Variants in CYP11B1 observed in about 807,000 individuals in gnomAD.
CYP11B1 encodes the protein cytochrome P450 11B1, mitochondrial.
Under a neutral mutation model 48.3 loss-of-function variants are expected in CYP11B1, and 34 were observed. The observed-to-expected ratio is 0.70, with a 90% confidence interval of 0.54 to 0.94. The LOEUF (loss-of-function observed/expected upper bound fraction) is 0.94. CYP11B1 is among the 40% of genes least tolerant of loss of function. CYP11B1 has a pLI of 0.00. For missense variants in CYP11B1, 688 were observed against 657.4 expected (o/e 1.05, Z -0.51); for synonymous variants, 291 against 262.5 (o/e 1.11, Z -1.05).
intron 6 of CYP11B1, 40 bp downstream of exon 6, chr8:142,875,672 A>G (rs1816915608): frequency 6.2e-7 from 1 of 1,609,990 alleles, no homozygotes; most frequent in Non-Finnish European, 8.5e-7. Context: ...GCTCTCCAGC[A>G]GGGGGCCAGG....
intron 4 of CYP11B1, 112 bp downstream of exon 4, chr8:142,876,570 G>C: frequency 6.4e-7 from 1 of 1,551,352 alleles, no homozygotes; most frequent in South Asian, 1.2e-5. Context: ...GGAAGGTGAG[G>C]AATCCCCGAC....
At chr8:142,874,761 C>T (rs1816878002) in intron 8 of CYP11B1, among the ~76,000 whole-genome samples, 196 bp downstream of exon 8, 1 of 152,298 alleles carries the variant, frequency 6.6e-6, no homozygotes, top group Middle Eastern at 3.4e-3. Context: ...CCAGATGGTA[C>T]GCTCCTCACC....
In CYP11B1 at chr8:142,875,695, C is replaced by A. The variant is rs753588773; in HGVS notation, c.1121+17G>T. On this transcript the variant is annotated intron_variant, in intron 6 of 8. Transcript: ENST00000292427. ...GCAGGGGGCCAGGGCCACAGGGAGG[C>A]CTCAGCCAGCACCCACCGCAAGGTC... 4.3e-6 allele frequency: 7 copies of A among 1,613,120 alleles called. No homozygotes were observed. In the South Asian group the frequency reaches 6.6e-5, roughly 15 times the overall value.
In CYP11B1 at chr8:142,876,815, G is replaced by A. The variant is rs138185120; in HGVS notation, c.666C>T (p.Asn222=). 6.2e-7 allele frequency: 1 copy of A among 1,614,216 alleles called. No homozygotes were observed. ...ACATGACCTCCAGGGCATGGAGGAA[G>A]TTCAGGCTGGCAGAACTGGGGCTGT... ...VGHSPSSASL[N]FLHALEVMFK... Residue 222 remains asparagine, a synonymous_variant, in exon 4 of 9, where the codon AAC becomes AAT. Transcript: ENST00000292427.
At chr8:142,877,819 CCT>C (rs766415770) in intron 2 of CYP11B1, 28 of 1,595,902 alleles carry the variant, frequency 1.8e-5, no homozygotes, top group East Asian at 1.3e-4. Context: ...AGGAATTTCC[CCT>C]GTCAGCCACA....
intron 8 of CYP11B1, 87 bp downstream of exon 8, chr8:142,874,870 T>C: frequency 6.6e-7 from 1 of 1,521,952 alleles, no homozygotes; most frequent in Non-Finnish European, 9.0e-7. Context: ...CCACTCCCAC[T>C]CTGCCGAGGC....
intron 2 of CYP11B1, 109 bp from the exon 3 acceptor site, chr8:142,877,331 T>A: frequency 1.9e-6 from 2 of 1,055,578 alleles, no homozygotes; most frequent in Non-Finnish European, 2.8e-6. Context: ...GGGAGCTGAC[T>A]GGGGGCCCTG....
chr8:142,876,859 G>A lies in CYP11B1; in HGVS notation c.622C>T (p.Arg208Trp), dbSNP rs372378491. Residue 208 changes from arginine to tryptophan, a missense_variant, in exon 4 of 9, where the codon CGG becomes TGG. Coordinates refer to ENST00000292427, the MANE Select transcript of CYP11B1 (RefSeq NM_000497.4). ...GGGCTGTGGCCAACCAGGCCCAGCCGCTCTCCAAAAAGAGCCAAGTTGCTG... is the reference window on the plus strand; with the variant it reads ...GGGCTGTGGCCAACCAGGCCCAGCCACTCTCCAAAAAGAGCCAAGTTGCTG... ...EASNLALFGE[R>W]LGLVGHSPSS... 2.1e-5 allele frequency: 34 copies of A among 1,614,006 alleles called. No homozygotes were observed. Among genetic ancestry groups the A allele is most frequent in the South Asian group, 4.4e-5 (4 of 91,066 alleles).
chr8:142,879,684 G>T lies in CYP11B1; in HGVS notation c.130C>A (p.Arg44Ser). ...AGCCTCAGCCACCTGTTGCCTGGACGCCGGGGCATGGCTTCAAAGGGCAGC... is the reference window on the plus strand; with the variant it reads ...AGCCTCAGCCACCTGTTGCCTGGACTCCGGGGCATGGCTTCAAAGGGCAGC... ...TVLPFEAMPR[R>S]PGNRWLRLLQ... The change falls in exon 1 of 9, where the codon CGT (arginine) becomes AGT (serine). Residue 44 changes from arginine (R) to serine (S), a missense_variant. Physicochemically the swap from Arg to Ser is moderately radical, Grantham distance 110 (BLOSUM62 -1). Transcript: ENST00000292427. 1.2e-6 allele frequency: 2 copies of T among 1,614,232 alleles called. No homozygotes were observed. Among genetic ancestry groups the T allele is most frequent in the Non-Finnish European group, 1.7e-6 (2 of 1,180,044 alleles).
intron 5 of CYP11B1, 180 bp downstream of exon 5, chr8:142,876,061 A>AC (rs1478190963): frequency 3.6e-5 from 40 of 1,122,844 alleles, no homozygotes; most frequent in Non-Finnish European, 5.2e-5. Context: ...ACAGAAAGGA[A>AC]CCCCCCATTC....
rs1816891922 is a variant in CYP11B1 at position 142,875,080 on chromosome 8, G to A, written c.1275C>T (p.Pro425=). 1 of 1,614,250 alleles carries A rather than the reference G, an allele frequency of 6.2e-7. No individual in the cohort carries two copies. Among genetic ancestry groups the A allele is most frequent in the African/African-American group, 1.3e-5 (1 of 75,066 alleles). Residue 425 remains proline, a synonymous_variant, in exon 8 of 9, where the codon CCC becomes CCT. Coordinates refer to ENST00000292427, the MANE Select transcript of CYP11B1 (RefSeq NM_000497.4). Reference sequence around the variant, plus strand: ...AGCCCCTGATGTCTAGCCAGCGCTGGGGGTTATAGCGCTCAGGCCTCGGGA... The same window carrying A: ...AGCCCCTGATGTCTAGCCAGCGCTGAGGGTTATAGCGCTCAGGCCTCGGGA... ...ALFPRPERYN[P]QRWLDIRGSG...
In CYP11B1 at chr8:142,879,435, T is replaced by G. The variant is rs1259093300; in HGVS notation, c.239+140A>C. On this transcript the variant is annotated intron_variant, in intron 1 of 8. Coordinates refer to ENST00000292427, the MANE Select transcript of CYP11B1 (RefSeq NM_000497.4). ...CCTGGCAGCGCCACAGACCAGCACG[T>G]GCTGCACTCCTTCCCCATCTTCCAA... 4 of 1,613,566 alleles carry G rather than the reference T, an allele frequency of 2.5e-6. No individual in the cohort carries two copies. The South Asian group carries it at 4.4e-5, about 18-fold the overall frequency.
At chr8:142,877,969 C>T (rs376251137) in intron 2 of CYP11B1, 32 of 681,210 alleles carry the variant, frequency 4.7e-5, no homozygotes, top group East Asian at 3.5e-4. Flanking sequence ...CACATGTACA[C>T]ATGTGCACAG....
Position 142,873,760 on chromosome 8 carries a change from T to C in CYP11B1, c.*613A>G, listed in dbSNP as rs1137480. 37 of 163,934 alleles carry C rather than the reference T, an allele frequency of 2.3e-4. No homozygotes were observed. Among genetic ancestry groups the C allele is most frequent in the East Asian group, 5.0e-4 (3 of 6,052 alleles). The allele number at this position is 163,934 out of a possible 1,614,324, so 10.2% of individuals were successfully genotyped here. ...GACACGATCAGCTGGGGAACACACG[T>C]CCCTCGAGACTCAGTTGTATCACTT... On this transcript the variant is annotated 3_prime_UTR_variant, in exon 9 of 9. Transcript: ENST00000292427.
rs61751153 is a variant in CYP11B1 at position 142,877,063 on chromosome 8, G to A, written c.555C>T (p.Thr185=). The A allele has an allele frequency of 2.0e-4, 320 of 1,613,908 alleles. 1 individual carries two copies. In the African/African-American group the frequency reaches 3.9e-3, roughly 20 times the overall value. ...GGAAGATGCTGGGCTGGACGTCCAGGGTCAGGCTCCCCCGGGCGTTCTGCA... is the reference window on the plus strand; with the variant it reads ...GGAAGATGCTGGGCTGGACGTCCAGAGTCAGGCTCCCCCGGGCGTTCTGCA... ...KVLQNARGSL[T]LDVQPSIFHY... is the part of the protein sequence containing the mutation. Residue 185 remains threonine (T), a synonymous_variant, in exon 3 of 9, where the codon ACC becomes ACT. Transcript: ENST00000292427.
chr8:142,874,966 C>G lies in CYP11B1; in HGVS notation c.1389G>C (p.Leu463=), dbSNP rs775013399. 3.0e-5 allele frequency: 48 copies of G among 1,613,468 alleles called. No homozygotes were observed. The highest frequency in any genetic ancestry group is 4.0e-5 in the Non-Finnish European group (47 of 1,180,028). ...GCCCGGGCCTGCTCACATGGTGCAG[C>G]AGCAGCAGCATCTCTGCCTCTGCCA... ...RRLAEAEMLL[L]LHHVLKHLQV... The change falls in exon 8 of 9, where the codon CTG becomes CTC. Residue 463 remains leucine, a synonymous_variant. Transcript: ENST00000292427.
intron 2 of CYP11B1, 31 bp downstream of exon 2, chr8:142,879,001 C>T (rs755503539): frequency 6.2e-7 from 1 of 1,613,270 alleles, no homozygotes; most frequent in Non-Finnish European, 8.5e-7. Flanking sequence ...AGGCTGCCCA[C>T]CCTGCTCCCA....
rs1563867844 is a variant in CYP11B1, at chr8:142,874,961, T to C, written c.1394A>G (p.His465Arg). The C allele has an allele frequency of 6.2e-7, 1 of 1,613,376 alleles. No homozygotes were observed. The highest frequency in any genetic ancestry group is 1.1e-5 in the South Asian group (1 of 91,052). ...CCCCAGCCCGGGCCTGCTCACATGG[T>C]GCAGCAGCAGCAGCATCTCTGCCTC... ...LAEAEMLLLL[H>R]HVLKHLQVET... The change falls in exon 8 of 9, where the codon CAC becomes CGC. Residue 465 changes from histidine (H) to arginine (R), a missense_variant. Physicochemically the swap from His to Arg is conservative, Grantham distance 29 (BLOSUM62 0). Transcript: ENST00000292427.
rs761624883 is a variant in CYP11B1 at position 142,874,411 on chromosome 8, T to A, written c.1474A>T (p.Ser492Cys). The stretch of plus-strand genomic sequence containing the variant: ...CTGAAGGTGAGGAGGGGGAACATGC[T>A]GGGCCTCAATATGAAGCTGTAGACC... ...KMVYSFILRPSMFPLLTFRAI... is the reference protein window; with the variant it reads ...KMVYSFILRPCMFPLLTFRAI... Residue 492 changes from serine to cysteine, a missense_variant, in exon 9 of 9, where the codon AGC (serine) becomes TGC (cysteine). Transcript: ENST00000292427. 5 of 1,614,044 alleles carry A rather than the reference T, an allele frequency of 3.1e-6. 1 individual carries two copies. The South Asian group carries it at 5.5e-5, about 18-fold the overall frequency.
Sources: allele counts gnomAD v4.1 joint callset (sites outside exome capture counted in the v4.1 genomes callset), GRCh38; gene constraint gnomAD v4.1.1; transcripts MANE v1.5; gene names NCBI Gene and HGNC (gene_info 2026-07-23, HGNC 2026-07-21).